Variants in FOXP1 observed in about 807,000 individuals in gnomAD.
The protein encoded by FOXP1 is forkhead box P1, also known as forkhead box protein P1.
A neutral mutation model predicts 98.2 loss-of-function variants in FOXP1; 15 were observed. The ratio of observed to expected loss-of-function variants is 0.15; its 90% CI spans 0.10 to 0.24. FOXP1 has a LOEUF of 0.24. Among genes scored for constraint, FOXP1 ranks in the 10% least tolerant of loss-of-function variants. The probability of loss-of-function intolerance (pLI) is 1.00; values close to 1 mark genes in which losing one functional copy is unlikely to be tolerated. For synonymous variants in FOXP1, 371 were observed against 314.5 expected, an observed-to-expected ratio of 1.18 and a Z score of -1.90; for missense variants, 633 against 848.5, an observed-to-expected ratio of 0.75 and a Z score of 3.15.
At chr3:71,507,042 G>A (rs754782232) in intron 2 of FOXP1, among the ~76,000 whole-genome samples, 30 of 152,194 alleles carry the variant, frequency 2.0e-4, no homozygotes, top group Non-Finnish European at 3.8e-4. Flanking sequence ...ACACAACTAA[G>A]TGAACAACAG....
intron 3 of FOXP1, among the ~76,000 whole-genome samples, chr3:71,491,701 C>G (rs1002442611): frequency 6.6e-6 from 1 of 152,034 alleles, no homozygotes; most frequent in Non-Finnish European, 1.5e-5. Context: ...AGTGCCTTTT[C>G]GAGCCAATAG....
At chr3:71,400,927 G>T (rs974710935) in intron 3 of FOXP1, among the ~76,000 whole-genome samples, 9 of 152,106 alleles carry the variant, frequency 5.9e-5, no homozygotes, top group African/African-American at 1.9e-4. Context: ...CACATAAGGA[G>T]GAGGGAAGTC....
At chr3:71,214,358 G>C (rs571435202) in intron 5 of FOXP1, among the ~76,000 whole-genome samples, 1 of 152,322 alleles carries the variant, frequency 6.6e-6, no homozygotes, top group South Asian at 2.1e-4. Context: ...GAGGTGCCCT[G>C]AATAGGTAGA....
chr3:71,428,210 G>C (rs911437735), intron 3 of FOXP1, among the ~76,000 whole-genome samples: 4 of 152,176 alleles, frequency 2.6e-5, no homozygotes, highest in African/African-American at 9.7e-5. Flanking sequence ...AGGAAGAAAA[G>C]ACTGAACATC....
chr3:71,016,171 G>A (rs2044448353), intron 11 of FOXP1, among the ~76,000 whole-genome samples: 1 of 152,012 alleles, frequency 6.6e-6, no homozygotes, highest in Admixed American at 6.5e-5. Context: ...AATAATTTAG[G>A]AAGACAAATG....
chr3:70,966,352 G>A lies in FOXP1; in HGVS notation c.1723-296C>T, dbSNP rs2034772718. On this transcript the variant is annotated intron_variant, in intron 19 of 20. Transcript: ENST00000649528. Reference sequence around the variant, plus strand: ...GGTTTAGACGGGCTTTCGAATATGAGGTTTATGTCGGATGCGTTTTTAAGA... The same window carrying A: ...GGTTTAGACGGGCTTTCGAATATGAAGTTTATGTCGGATGCGTTTTTAAGA... The A allele has an allele frequency of 1.5e-5, 6 of 411,996 alleles. No homozygotes were observed. The Admixed American group carries it at 2.1e-4, about 15-fold the overall frequency. The allele number at this position is 411,996 out of a possible 1,614,324, so 25.5% of individuals were successfully genotyped here. A position where few individuals can be genotyped will look rare whatever the true frequency, so the allele number is the denominator to read the frequency against.
chr3:70,977,673 T>C lies in FOXP1; in HGVS notation c.1398A>G (p.Pro466=), dbSNP rs768583428. Residue 466 remains proline (P), a synonymous_variant, in exon 16 of 21, where the codon CCA becomes CCG. Coordinates refer to ENST00000649528, the MANE Select transcript of FOXP1 (RefSeq NM_001349338.3). ...QEFYKNAEVR[P]PFTYASLIRQ... ...TAATTAAAGATGCATATGTAAATGG[T>C]GGTCTAACTTCTGCGTTCTTATAAA... The C allele has an allele frequency of 1.4e-5, 23 of 1,614,074 alleles. No homozygotes were observed. The highest frequency in any genetic ancestry group is 1.9e-5 in the Non-Finnish European group (23 of 1,179,916).
intron 5 of FOXP1, among the ~76,000 whole-genome samples, chr3:71,237,819 A>G (rs2066927183): frequency 6.6e-6 from 1 of 152,208 alleles, no homozygotes; most frequent in Non-Finnish European, 1.5e-5. Flanking sequence ...AGATAACAGT[A>G]AGGAAGGCTT....
rs964442102 is a variant in FOXP1 at position 71,344,936 on chromosome 3, C to T, written c.-73+14214G>A. Among the ~76,000 whole-genome samples the T allele has an allele frequency of 3.9e-5, 6 of 152,120 alleles. No homozygotes were observed. In the East Asian group the frequency reaches 1.2e-3, roughly 29 times the overall value. On this transcript the variant is annotated intron_variant, in intron 4 of 20. Coordinates refer to ENST00000649528, the MANE Select transcript of FOXP1 (RefSeq NM_001349338.3). ...CAGGAACATTACTTAGTGCTAAGAT[C>T]ATAGGAAAATAATTTAACAAATACA...
intron 2 of FOXP1, among the ~76,000 whole-genome samples, chr3:71,579,854 T>C (rs1205594520): frequency 2.0e-5 from 3 of 151,968 alleles, no homozygotes; most frequent in Non-Finnish European, 4.4e-5. Context: ...TGGGTAGCAT[T>C]CTCCTCATAA....
intron 11 of FOXP1, among the ~76,000 whole-genome samples, chr3:71,033,602 CAAAAAAAAAAA>C (rs35470748): frequency 1.4e-5 from 1 of 70,640 alleles, no homozygotes; most frequent in Non-Finnish European, 3.6e-5. Context: ...AGTGAACAGT[CAAAAAAAAAAA>C]AAAAAAAAAA....
intron 4 of FOXP1, among the ~76,000 whole-genome samples, chr3:71,353,146 G>A (rs947041787): frequency 1.2e-4 from 18 of 152,152 alleles, no homozygotes; most frequent in Non-Finnish European, 2.2e-4. Flanking sequence ...ACCTGGCACT[G>A]AGAGACTGCT....
At chr3:71,089,781 T>C (rs2055584386) in intron 7 of FOXP1, among the ~76,000 whole-genome samples, 1 of 152,228 alleles carries the variant, frequency 6.6e-6, no homozygotes. Context: ...GGGCTCTAGC[T>C]GGGCCACTAT....
At chr3:71,249,786 G>A (rs1220775692) in intron 5 of FOXP1, among the ~76,000 whole-genome samples, 3 of 152,186 alleles carry the variant, frequency 2.0e-5, no homozygotes, top group African/African-American at 7.2e-5. Flanking sequence ...GAGGGGAGAA[G>A]ACAGAAGAAT....
intron 7 of FOXP1, among the ~76,000 whole-genome samples, chr3:71,056,648 T>C (rs2050687076): frequency 1.3e-5 from 2 of 152,328 alleles, no homozygotes; most frequent in South Asian, 2.1e-4. Flanking sequence ...AACCACGTTT[T>C]CATGCCAGTT....
chr3:71,380,319 C>G (rs1464514137), intron 3 of FOXP1, among the ~76,000 whole-genome samples: 1 of 152,156 alleles, frequency 6.6e-6, no homozygotes, highest in Non-Finnish European at 1.5e-5. Flanking sequence ...ATCCACAATA[C>G]CCTGACACAC....
intron 13 of FOXP1, among the ~76,000 whole-genome samples, chr3:70,992,666 C>T (rs1035202027): frequency 6.6e-6 from 1 of 152,184 alleles, no homozygotes; most frequent in African/African-American, 2.4e-5. Flanking sequence ...CTGTCACCAT[C>T]TTAACGTTCC....
chr3:71,573,025 C>T (rs997517210), intron 2 of FOXP1, among the ~76,000 whole-genome samples: 4 of 152,130 alleles, frequency 2.6e-5, no homozygotes, highest in South Asian at 2.1e-4. Context: ...ACTGAAAAAC[C>T]CAGCAATCCA....
At chr3:71,569,642 T>C (rs1454421559) in intron 2 of FOXP1, among the ~76,000 whole-genome samples, 3 of 152,270 alleles carry the variant, frequency 2.0e-5, no homozygotes, top group East Asian at 1.9e-4. Context: ...TATATATACA[T>C]ATACACACAT....
Sources: allele counts gnomAD v4.1 joint callset (sites outside exome capture counted in the v4.1 genomes callset), GRCh38; gene constraint gnomAD v4.1.1; transcripts MANE v1.5; gene names NCBI Gene and HGNC (gene_info 2026-07-23, HGNC 2026-07-21).